Variants in OLA1 observed in about 807,000 individuals in gnomAD.
OLA1 encodes the protein obg-like ATPase 1.
In OLA1, 14 loss-of-function variants were observed where a neutral mutation model predicts 48.4. That is an observed-to-expected ratio of 0.29 (90% CI 0.19 to 0.45). OLA1 has a LOEUF of 0.45. Among genes scored for constraint, OLA1 ranks in the 20% least tolerant of loss-of-function variants. The probability of loss-of-function intolerance (pLI) is 1.00; values close to 1 mark genes in which losing one functional copy is unlikely to be tolerated. For missense variants in OLA1, 325 were observed against 467.1 expected, an observed-to-expected ratio of 0.70 and a Z score of 2.80; for synonymous variants, 127 against 150.4, an observed-to-expected ratio of 0.84 and a Z score of 1.14.
intron 2 of OLA1, among the ~76,000 whole-genome samples, chr2:174,234,464 T>C (rs1367633385): frequency 7.2e-5 from 11 of 152,134 alleles, no homozygotes; most frequent in Non-Finnish European, 7.3e-5. Flanking sequence ...ATTTCTTTTT[T>C]AACTTTCTTA....
intron 7 of OLA1, among the ~76,000 whole-genome samples, chr2:174,087,457 C>T (rs1008309570): frequency 7.3e-6 from 1 of 136,194 alleles, no homozygotes; most frequent in African/African-American, 2.6e-5. Flanking sequence ...ACCATCTTAA[C>T]AGGAAGCACT....
intron 4 of OLA1, among the ~76,000 whole-genome samples, chr2:174,180,092 C>T (rs989851326): frequency 6.6e-6 from 1 of 151,952 alleles, no homozygotes; most frequent in African/African-American, 2.4e-5. Flanking sequence ...AATCAAGCAA[C>T]ATACTGTAAT....
Position 174,163,765 on chromosome 2 carries a change from TATATATATATAA to T in OLA1, c.374-21777_374-21766del, listed in dbSNP as rs1437206815. On this transcript the variant is annotated intron_variant, in intron 4 of 10. Transcript: ENST00000284719. ...ATATATATATATATATATATATATATATATATATATAAATAAATGTTTGGGTGCCTGCTTAGA... is the reference window on the plus strand; with the variant it reads ...ATATATATATATATATATATATATATATAAATGTTTGGGTGCCTGCTTAGA... Among the ~76,000 whole-genome samples, 202 of 32,104 alleles carry T rather than the reference TATATATATATAA, an allele frequency of 6.3e-3. 21 individuals carry two copies. The East Asian group carries it at 0.13, about 21-fold the overall frequency. The allele number at this position is 32,104 out of a possible 152,430, so 21.1% of individuals were successfully genotyped here.
rs1336840018 is a variant in OLA1 at position 174,226,042 on chromosome 2, C to CA, written c.246-2883dup. 3.9e-5 allele frequency among the ~76,000 whole-genome samples: 4 copies of CA among 102,274 alleles called. 2 individuals carry two copies. Among genetic ancestry groups the CA allele is most frequent in the African/African-American group, 1.4e-4 (4 of 29,618 alleles). 67.1% of individuals were successfully genotyped at this position (102,274 alleles called of 152,430 possible). A position where few individuals can be genotyped will look rare whatever the true frequency, so the allele number is the denominator to read the frequency against. ...ACCCCGTCTCTACTAAAAAAAAATA[C>CA]AAAAAAATTAGCCGGGCGTAGTGGC... On this transcript the variant is annotated intron_variant, in intron 3 of 10. Transcript: ENST00000284719.
intron 7 of OLA1, among the ~76,000 whole-genome samples, chr2:174,095,560 G>A (rs1418774655): frequency 6.6e-6 from 1 of 151,838 alleles, no homozygotes; most frequent in Non-Finnish European, 1.5e-5. Flanking sequence ...TTTATTTGTG[G>A]TTAATTGATT....
At chr2:174,232,653 A>G (rs1267653325) in intron 2 of OLA1, among the ~76,000 whole-genome samples, 1 of 152,190 alleles carries the variant, frequency 6.6e-6, no homozygotes, top group Non-Finnish European at 1.5e-5. Flanking sequence ...AATCAAAACC[A>G]CAATGAGATA....
chr2:174,174,035 C>CAAAAAAA (rs112671944), intron 4 of OLA1, among the ~76,000 whole-genome samples: 3 of 135,600 alleles, frequency 2.2e-5, no homozygotes, highest in Admixed American at 7.5e-5. Context: ...CACACACACA[C>CAAAAAAA]AAAAAAAAAA....
At chr2:174,114,883 A>G (rs993594625) in intron 7 of OLA1, among the ~76,000 whole-genome samples, 1 of 152,116 alleles carries the variant, frequency 6.6e-6, no homozygotes, top group Non-Finnish European at 1.5e-5. Flanking sequence ...TAATCTCAGC[A>G]CTTTGAGAGG....
chr2:174,161,244 A>T (rs1367247668), intron 4 of OLA1, among the ~76,000 whole-genome samples: 1 of 152,218 alleles, frequency 6.6e-6, no homozygotes, highest in Non-Finnish European at 1.5e-5. Flanking sequence ...ATATGAGACA[A>T]CATAAGTTAT....
intron 7 of OLA1, among the ~76,000 whole-genome samples, chr2:174,114,371 A>AAAAAAAAAAAAAAAAAAT (rs1685731801): frequency 6.8e-6 from 1 of 146,420 alleles, no homozygotes; most frequent in Non-Finnish European, 1.5e-5. Flanking sequence ...AAAAAAAAAA[A>AAAAAAAAAAAAAAAAAAT]AAGCTAAATC....
At chr2:174,183,513 C>T (rs1314380627) in intron 4 of OLA1, among the ~76,000 whole-genome samples, 1 of 152,198 alleles carries the variant, frequency 6.6e-6, no homozygotes, top group Non-Finnish European at 1.5e-5. Flanking sequence ...TCTCTCCATG[C>T]TATCTGTTCA....
intron 7 of OLA1, among the ~76,000 whole-genome samples, chr2:174,112,941 T>C (rs182631934): frequency 3.3e-5 from 5 of 152,210 alleles, no homozygotes; most frequent in East Asian, 1.9e-4. Flanking sequence ...TGAAGAATTA[T>C]TATTATTACT....
intron 5 of OLA1, 98 bp downstream of exon 5, chr2:174,141,727 C>T: frequency 1.1e-6 from 1 of 947,744 alleles, no homozygotes; most frequent in Non-Finnish European, 1.5e-6. Context: ...TTCTAAAATT[C>T]CATAACAATA....
At chr2:174,134,208 T>C (rs1686249122) in intron 5 of OLA1, among the ~76,000 whole-genome samples, 1 of 152,254 alleles carries the variant, frequency 6.6e-6, no homozygotes, top group Non-Finnish European at 1.5e-5. Flanking sequence ...GTAGAATTGC[T>C]AGTTCATATG....
At chr2:174,130,356 G>A (rs924665387) in intron 5 of OLA1, among the ~76,000 whole-genome samples, 23 of 152,306 alleles carry the variant, frequency 1.5e-4, no homozygotes, top group Middle Eastern at 3.4e-3. Context: ...ATGCGTGTAT[G>A]GGGGTGAGGG....
intron 7 of OLA1, among the ~76,000 whole-genome samples, chr2:174,115,002 C>T (rs1244820391): frequency 3.3e-5 from 5 of 151,998 alleles, no homozygotes; most frequent in African/African-American, 9.7e-5. Context: ...TGGTAGCCTG[C>T]GCCCGTCAGG....
intron 9 of OLA1, among the ~76,000 whole-genome samples, chr2:174,080,635 CAAATTT>C (rs1684834741): frequency 6.6e-6 from 1 of 151,890 alleles, no homozygotes; most frequent in Non-Finnish European, 1.5e-5. Context: ...TCTATGAATT[CAAATTT>C]AAAAAGGCAT....
chr2:174,112,958 G>A (rs1685689816), intron 7 of OLA1, among the ~76,000 whole-genome samples: 1 of 151,956 alleles, frequency 6.6e-6, no homozygotes, highest in Non-Finnish European at 1.5e-5. Flanking sequence ...TACTATTTTT[G>A]AGATGGAGAT....
At position 174,115,873 on chromosome 2, in the gene OLA1, A is replaced by G. The variant is rs371339095; in HGVS notation, c.728+7307T>C. Among the ~76,000 whole-genome samples the G allele has an allele frequency of 1.2e-4, 19 of 152,224 alleles. 1 individual carries two copies. The South Asian group carries it at 3.9e-3, about 32-fold the overall frequency. ...CTAATCATTCCCTGCATTATATTAAATGTCTGTTTGTTGGATGTCTATTAC... is the reference window on the plus strand; with the variant it reads ...CTAATCATTCCCTGCATTATATTAAGTGTCTGTTTGTTGGATGTCTATTAC... On this transcript the variant is annotated intron_variant, in intron 7 of 10. Transcript: ENST00000284719.
Sources: allele counts gnomAD v4.1 joint callset (sites outside exome capture counted in the v4.1 genomes callset), GRCh38; gene constraint gnomAD v4.1.1; transcripts MANE v1.5; gene names NCBI Gene and HGNC (gene_info 2026-07-23, HGNC 2026-07-21).